The following TENM3 variants were observed in gnomAD, a reference collection of about 807,000 sequenced individuals.
TENM3 encodes the protein teneurin transmembrane protein 3.
In TENM3, 63 loss-of-function variants were observed where a neutral mutation model predicts 255.1. That is an observed-to-expected ratio of 0.25 (90% CI 0.20 to 0.30). TENM3 has a LOEUF of 0.30. Among genes scored for constraint, TENM3 ranks in the 10% least tolerant of loss-of-function variants. TENM3 has a pLI of 1.00. For synonymous variants in TENM3, 1,306 were observed against 1,322.3 expected, an observed-to-expected ratio of 0.99 and a Z score of 0.27; for missense variants, 2,929 against 3,461.1, an observed-to-expected ratio of 0.85 and a Z score of 3.86.
At chr4:181,951,277 G>C in the TENM3 span, among the ~76,000 whole-genome samples, 1 of 152,038 alleles carries the variant, frequency 6.6e-6, no homozygotes, top group Non-Finnish European at 1.5e-5. Flanking sequence ...CTTGCATATG[G>C]GTGACAGCCT....
intron 5 of TENM3, among the ~76,000 whole-genome samples, chr4:182,637,947 A>G (rs1032665416): frequency 3.9e-5 from 6 of 152,252 alleles, no homozygotes; most frequent in African/African-American, 1.4e-4. Context: ...ACATAAACCT[A>G]AATGTGACCC....
At chr4:182,390,428 A>T (rs1020401284) in intron 3 of TENM3, among the ~76,000 whole-genome samples, 54 of 152,164 alleles carry the variant, frequency 3.5e-4, no homozygotes, top group Middle Eastern at 3.4e-3. Flanking sequence ...GTTGCCAAGG[A>T]CTCCTCTGAG....
At chr4:182,646,508 G>A (rs904665311) in intron 5 of TENM3, among the ~76,000 whole-genome samples, 6 of 152,212 alleles carry the variant, frequency 3.9e-5, no homozygotes, top group South Asian at 4.1e-4. Flanking sequence ...TTGGGAGGCC[G>A]AGGCGGGTGG....
chr4:182,570,108 C>T (rs972350111), intron 3 of TENM3, among the ~76,000 whole-genome samples: 2 of 152,092 alleles, frequency 1.3e-5, no homozygotes, highest in African/African-American at 2.4e-5. Context: ...TTGCCGTAAT[C>T]GAGGCAAAAG....
Position 182,719,411 on chromosome 4 carries a change from A to ATG in TENM3, c.2368+5178_2368+5179insTG, listed in dbSNP as rs1251246816. On this transcript the variant is annotated intron_variant, in intron 13 of 27. Coordinates refer to ENST00000511685, the MANE Select transcript of TENM3 (RefSeq NM_001080477.4). ...CGAGTAGCTGGGACTATAGGCGCCC[A>ATG]CCACCACGCCCTGCTAATTTTTGTA... Among the ~76,000 whole-genome samples, 85 of 151,152 alleles carry ATG rather than the reference A, an allele frequency of 5.6e-4. 2 individuals carry two copies. Among genetic ancestry groups the ATG allele is most frequent in the Non-Finnish European group, 2.4e-4 (16 of 67,766 alleles).
chr4:182,013,146 T>C, the TENM3 span, among the ~76,000 whole-genome samples: 1 of 152,298 alleles, frequency 6.6e-6, no homozygotes. Flanking sequence ...CGAAACTGCA[T>C]CCCAAGTCTT....
chr4:181,608,617 TGA>T, the TENM3 span, among the ~76,000 whole-genome samples: 1 of 151,782 alleles, frequency 6.6e-6, no homozygotes, highest in Admixed American at 6.6e-5. Context: ...AAGGTATTTC[TGA>T]GACAGGGAGA....
chr4:181,839,382 TATAC>T, the TENM3 span, among the ~76,000 whole-genome samples: 1,058 of 59,966 alleles, frequency 0.018, 52 homozygotes, highest in African/African-American at 0.054. Flanking sequence ...TATATATATA[TATAC>T]ACCTATATAC....
the TENM3 span, among the ~76,000 whole-genome samples, chr4:182,053,006 A>T: frequency 6.6e-6 from 1 of 152,116 alleles, no homozygotes; most frequent in African/African-American, 2.4e-5. Context: ...ATGGGATCTA[A>T]TGGGATCTCA....
the TENM3 span, among the ~76,000 whole-genome samples, chr4:182,105,206 C>G: frequency 6.6e-6 from 1 of 152,186 alleles, no homozygotes; most frequent in Non-Finnish European, 1.5e-5. Context: ...GAGCAAGACA[C>G]TGTCTCAAAT....
chr4:181,456,148 G>GGTGT, the TENM3 span, among the ~76,000 whole-genome samples: 1 of 86,956 alleles, frequency 1.2e-5, no homozygotes, highest in Non-Finnish European at 2.6e-5. Context: ...TGTGTGTGTA[G>GGTGT]GTGTGTGTGT....
intron 3 of TENM3, among the ~76,000 whole-genome samples, chr4:182,491,756 T>G (rs568370042): frequency 6.6e-5 from 10 of 152,186 alleles, no homozygotes; most frequent in Non-Finnish European, 1.3e-4. Context: ...ACCTACAGAA[T>G]CCACTTTTGA....
At chr4:182,490,761 G>A (rs1427754803) in intron 3 of TENM3, among the ~76,000 whole-genome samples, 2 of 135,526 alleles carry the variant, frequency 1.5e-5, no homozygotes, top group African/African-American at 2.7e-5. Flanking sequence ...GGTATCTTAG[G>A]CATCGTATCA....
chr4:181,705,299 C>G, the TENM3 span, among the ~76,000 whole-genome samples: 1 of 152,316 alleles, frequency 6.6e-6, no homozygotes, highest in Non-Finnish European at 1.5e-5. Context: ...TGAATCAACA[C>G]ATTCAAATAT....
At position 182,388,906 on chromosome 4, in the gene TENM3, G is replaced by A. The variant is rs553442283; in HGVS notation, c.511+41977G>A. 4.6e-5 allele frequency among the ~76,000 whole-genome samples: 7 copies of A among 152,318 alleles called. No homozygotes were observed. The East Asian group carries it at 1.4e-3, about 29-fold the overall frequency. On this transcript the variant is annotated intron_variant, in intron 3 of 27. Transcript: ENST00000511685. The stretch of plus-strand genomic sequence containing the variant: ...ACTGATAGCCAGCACCAAGACAGAT[G>A]GAGGTGATGTTCTAGGCAGAGGTGG...
At chr4:181,686,529 C>A in the TENM3 span, among the ~76,000 whole-genome samples, 3 of 151,860 alleles carry the variant, frequency 2.0e-5, no homozygotes, top group African/African-American at 2.4e-5. Context: ...TTTATTGCGC[C>A]CAATTAGGTG....
intron 7 of TENM3, 122 bp downstream of exon 7, chr4:182,673,341 A>C: frequency 1.6e-6 from 1 of 633,434 alleles, no homozygotes; most frequent in Non-Finnish European, 2.7e-6. Flanking sequence ...GACTTTCTAC[A>C]GTAGAAAGAG....
At chr4:181,571,980 T>C in the TENM3 span, among the ~76,000 whole-genome samples, 1 of 152,312 alleles carries the variant, frequency 6.6e-6, no homozygotes, top group African/African-American at 2.4e-5. Flanking sequence ...CTTTATAGTG[T>C]ATATTGGCTC....
chr4:182,755,406 G>A (rs1762657645), intron 22 of TENM3, 147 bp downstream of exon 22: 2 of 765,738 alleles, frequency 2.6e-6, no homozygotes, highest in Admixed American at 3.2e-5. Flanking sequence ...GCTGGGCACG[G>A]TGGCTCATTC....
Sources: gnomAD v4.1 joint callset for allele counts (sites outside exome capture counted in the v4.1 genomes callset) on GRCh38, gnomAD v4.1.1 for gene constraint, MANE v1.5 for transcripts, NCBI Gene and HGNC (gene_info 2026-07-23, HGNC 2026-07-21) for gene names.